CSMD1: variants seen among roughly 807,000 people sequenced by gnomAD.
CSMD1 encodes the protein CUB and Sushi multiple domains 1.
CSMD1 carries 213 observed loss-of-function variants against 417.5 expected under a neutral mutation model. That is an observed-to-expected ratio of 0.51 (90% CI 0.46 to 0.57). The LOEUF is 0.57. Ranked by LOEUF, CSMD1 falls within the 20% of genes least tolerant of loss-of-function variation. The pLI, the probability that CSMD1 is intolerant of heterozygous loss-of-function variation, is 0.00. For missense variants in CSMD1, 6,923 were observed against 4,529.7 expected (o/e 1.53, Z -15.17); for synonymous variants, 2,862 against 1,736.8 (o/e 1.65, Z -16.11).
chr8:3,026,015 C>A (rs951949754), intron 51 of CSMD1, among the ~76,000 whole-genome samples: 1 of 152,136 alleles, frequency 6.6e-6, no homozygotes, highest in Non-Finnish European at 1.5e-5. Context: ...TGAGTCGAGA[C>A]ATCTCCTCAA....
At chr8:3,200,069 A>T (rs942742323) in intron 32 of CSMD1, among the ~76,000 whole-genome samples, 1 of 152,048 alleles carries the variant, frequency 6.6e-6, no homozygotes, top group East Asian at 1.9e-4. Context: ...GAAAGCACCA[A>T]TGGTAGGCCT....
At chr8:3,716,934 C>G (rs955975760) in intron 6 of CSMD1, among the ~76,000 whole-genome samples, 4 of 151,984 alleles carry the variant, frequency 2.6e-5, no homozygotes, top group Admixed American at 6.5e-5. Context: ...TTAATTCCAC[C>G]AAAATGTTAT....
At chr8:4,903,309 T>C (rs947426611) in intron 1 of CSMD1, among the ~76,000 whole-genome samples, 2 of 152,318 alleles carry the variant, frequency 1.3e-5, no homozygotes, top group East Asian at 3.9e-4. Flanking sequence ...CATTTAGCAA[T>C]TGCTTTATGG....
At chr8:3,738,333 G>C (rs1187086616) in intron 6 of CSMD1, among the ~76,000 whole-genome samples, 2 of 152,148 alleles carry the variant, frequency 1.3e-5, no homozygotes, top group East Asian at 1.9e-4. Flanking sequence ...TCAATACATC[G>C]TACAATGCAT....
At chr8:4,373,674 T>C (rs1802539696) in intron 3 of CSMD1, among the ~76,000 whole-genome samples, 1 of 152,082 alleles carries the variant, frequency 6.6e-6, no homozygotes, top group African/African-American at 2.4e-5. Flanking sequence ...TAATGAAACG[T>C]TTCACTTTAA....
intron 5 of CSMD1, among the ~76,000 whole-genome samples, chr8:3,874,274 G>A (rs1186681384): frequency 2.6e-5 from 4 of 152,132 alleles, no homozygotes; most frequent in African/African-American, 9.7e-5. Context: ...AATGCTCAAG[G>A]TCCCTGTGTC....
intron 5 of CSMD1, among the ~76,000 whole-genome samples, chr8:3,928,772 C>A (rs1194614996): frequency 7.3e-6 from 1 of 136,574 alleles, no homozygotes; most frequent in Non-Finnish European, 1.6e-5. Context: ...GTCCAGATCC[C>A]ACCCACCCCG....
chr8:3,639,336 AG>A (rs1389509237), intron 7 of CSMD1, among the ~76,000 whole-genome samples: 3 of 152,204 alleles, frequency 2.0e-5, no homozygotes, highest in African/African-American at 7.2e-5. Context: ...GAATCAGGAA[AG>A]TTTGGAGTTT....
At chr8:3,518,568 A>T (rs536759942) in intron 10 of CSMD1, among the ~76,000 whole-genome samples, 1 of 152,232 alleles carries the variant, frequency 6.6e-6, no homozygotes, top group Admixed American at 6.5e-5. Context: ...ATGTGAAAGT[A>T]AATTAGAATG....
chr8:4,091,533 C>G (rs1025514932), intron 3 of CSMD1, among the ~76,000 whole-genome samples: 1 of 152,140 alleles, frequency 6.6e-6, no homozygotes, highest in African/African-American at 2.4e-5. Context: ...TTAAAGCTGG[C>G]ACTCAGCAAT....
intron 3 of CSMD1, among the ~76,000 whole-genome samples, chr8:4,189,516 A>G (rs1261725331): frequency 6.6e-6 from 1 of 152,228 alleles, no homozygotes; most frequent in African/African-American, 2.4e-5. Context: ...ATAAACATAT[A>G]TTAAAGATCA....
intron 7 of CSMD1, among the ~76,000 whole-genome samples, chr8:3,679,480 G>A (rs1010877385): frequency 2.0e-5 from 3 of 152,158 alleles, no homozygotes; most frequent in Non-Finnish European, 4.4e-5. Flanking sequence ...AACAAGAAGA[G>A]CTAACTATCC....
At chr8:4,191,744 CAA>C (rs3065543) in intron 3 of CSMD1, among the ~76,000 whole-genome samples, 20,477 of 135,644 alleles carry the variant, frequency 0.15, 1,469 homozygotes, top group Middle Eastern at 0.26. Context: ...AAGGTCATTC[CAA>C]AAAAAAAAAA....
intron 1 of CSMD1, among the ~76,000 whole-genome samples, chr8:4,862,180 A>G (rs946964693): frequency 2.8e-4 from 42 of 151,956 alleles, no homozygotes; most frequent in African/African-American, 1.0e-3. Context: ...GGAGTGGTTT[A>G]TTGTTCCTTG....
chr8:4,046,732 CT>C (rs1563360846), intron 3 of CSMD1, among the ~76,000 whole-genome samples: 1 of 152,120 alleles, frequency 6.6e-6, no homozygotes, highest in South Asian at 2.1e-4. Context: ...ATGATTTAAA[CT>C]TTTTTTCTGT....
intron 3 of CSMD1, among the ~76,000 whole-genome samples, chr8:4,347,179 C>T (rs1462266645): frequency 1.3e-5 from 2 of 152,080 alleles, no homozygotes; most frequent in Non-Finnish European, 2.9e-5. Context: ...CAAGTTTTAG[C>T]TTTACTCCTA....
At chr8:3,075,003 G>T (rs1813551196) in intron 49 of CSMD1, among the ~76,000 whole-genome samples, 1 of 151,988 alleles carries the variant, frequency 6.6e-6, no homozygotes, top group African/African-American at 2.4e-5. Context: ...CTTCCTTTTG[G>T]TGCTGTCCTC....
At chr8:3,971,288 C>T (rs937672980) in intron 5 of CSMD1, among the ~76,000 whole-genome samples, 1 of 152,196 alleles carries the variant, frequency 6.6e-6, no homozygotes, top group Admixed American at 6.5e-5. Context: ...ATTCTCCTCA[C>T]CTCCTCATGG....
chr8:4,590,086 T>A (rs921486622), intron 2 of CSMD1, among the ~76,000 whole-genome samples: 1 of 152,356 alleles, frequency 6.6e-6, no homozygotes, highest in African/African-American at 2.4e-5. Flanking sequence ...ATTTATGAAA[T>A]CTTCAAAGTT....
Sources: gnomAD v4.1 joint callset for allele counts (sites outside exome capture counted in the v4.1 genomes callset) on GRCh38, gnomAD v4.1.1 for gene constraint, MANE v1.5 for transcripts, NCBI Gene and HGNC (gene_info 2026-07-23, HGNC 2026-07-21) for gene names.